Variants in NCKAP5L observed in about 807,000 individuals in gnomAD.
NCKAP5L encodes the protein nck-associated protein 5-like.
Under a neutral mutation model 103.2 loss-of-function variants are expected in NCKAP5L, and 54 were observed. That is an observed-to-expected ratio of 0.52 (90% confidence interval 0.42 to 0.66). The LOEUF is 0.66. Ranked by LOEUF, NCKAP5L falls within the 30% of genes least tolerant of loss-of-function variation. The probability of loss-of-function intolerance (pLI) is 0.00; values close to 1 mark genes in which losing one functional copy is unlikely to be tolerated. For synonymous variants in NCKAP5L, 762 were observed against 748.6 expected (o/e 1.02, Z -0.29); for missense variants, 1,733 against 1,750.6 (o/e 0.99, Z 0.18).
intron 1 of NCKAP5L, among the ~76,000 whole-genome samples, chr12:49,816,235 G>A (rs903404654): frequency 6.6e-6 from 1 of 152,112 alleles, no homozygotes; most frequent in Admixed American, 6.5e-5. Context: ...CCCTCTGCCA[G>A]TGTACCACTC....
In NCKAP5L at chr12:49,792,686, C is replaced by T. The variant is rs1389938767; in HGVS notation, c.3641G>A (p.Cys1214Tyr). ...CCCACCTGGACACTCACCATCAGGA[C>T]AGGTCTCATGGCCCCGGTGGCCCGG... ...AAPGHRGHET[C>Y]PDDPCEDPGP... The change falls in exon 11 of 13, where the codon TGT (cysteine) becomes TAT (tyrosine). Residue 1214 changes from cysteine to tyrosine, a missense_variant. Physicochemically the swap from Cys to Tyr is radical, Grantham distance 194 (BLOSUM62 -2). Coordinates refer to ENST00000335999, the MANE Select transcript of NCKAP5L (RefSeq NM_001037806.4). This position sits in a 1 kb window ranked among gnomAD's most constrained non-coding sequence, Gnocchi z 4.5. 1 of 1,612,724 alleles carries T rather than the reference C, an allele frequency of 6.2e-7. No individual in the cohort carries two copies. Among genetic ancestry groups the T allele is most frequent in the Admixed American group, 1.7e-5 (1 of 59,862 alleles).
At position 49,801,966 on chromosome 12, in the gene NCKAP5L, T is replaced by G; in HGVS notation, c.233A>C (p.Asp78Ala). ...CAGCTTGATGCACTCCTCTCGCAGGTCCTGCCGCCCACCCCGGGAAGTGCA... is the reference window on the plus strand; with the variant it reads ...CAGCTTGATGCACTCCTCTCGCAGGGCCTGCCGCCCACCCCGGGAAGTGCA... ...HVVQALLNQK[D>A]LREECIKLKK... Residue 78 changes from aspartate to alanine, a missense_variant and splice_region_variant, in exon 6 of 13, where the codon GAC (aspartate) becomes GCC (alanine). Asp to Ala is a moderately radical substitution (Grantham distance 126). Coordinates refer to ENST00000335999, the MANE Select transcript of NCKAP5L (RefSeq NM_001037806.4). 6.2e-7 allele frequency: 1 copy of G among 1,613,732 alleles called. No homozygotes were observed. The highest frequency in any genetic ancestry group is 8.5e-7 in the Non-Finnish European group (1 of 1,179,794).
chr12:49,798,998 T>C (rs1946090060), intron 6 of NCKAP5L, among the ~76,000 whole-genome samples: 1 of 152,188 alleles, frequency 6.6e-6, no homozygotes, highest in Non-Finnish European at 1.5e-5. Flanking sequence ...TCATTCTCAG[T>C]CCCTGAGAAT....
rs184744715 is a variant in NCKAP5L, at chr12:49,821,064, C to T, written c.-99+7258G>A. ...CGGGGTAAGGGTGGGGTAAGGAGCT[C>T]GGCAGGGCCTTCAGGGATAAGCTGC... On this transcript the variant is annotated intron_variant, in intron 1 of 12. Transcript: ENST00000335999. Among the ~76,000 whole-genome samples the T allele has an allele frequency of 9.9e-5, 15 of 152,268 alleles. No homozygotes were observed. In the East Asian group the frequency reaches 1.7e-3, roughly 18 times the overall value.
chr12:49,792,681 C>T lies in NCKAP5L; in HGVS notation c.3646G>A (p.Asp1216Asn), dbSNP rs779358827. 1 of 1,612,794 alleles carries T rather than the reference C, an allele frequency of 6.2e-7. No homozygotes were observed. The highest frequency in any genetic ancestry group is 1.1e-5 in the South Asian group (1 of 90,966). ...PGHRGHETCPDDPCEDPGPTP... is the reference protein window; with the variant it reads ...PGHRGHETCPNDPCEDPGPTP... Reference sequence around the variant, plus strand: ...ACCCTCCCACCTGGACACTCACCATCAGGACAGGTCTCATGGCCCCGGTGG... The same window carrying T: ...ACCCTCCCACCTGGACACTCACCATTAGGACAGGTCTCATGGCCCCGGTGG... Residue 1216 changes from aspartate to asparagine, a missense_variant, in exon 11 of 13, where the codon GAT (aspartate) becomes AAT (asparagine). Physicochemically the swap from Asp to Asn is conservative, Grantham distance 23. Transcript: ENST00000335999. The surrounding 1 kb of genome is among the most constrained non-coding windows in gnomAD (Gnocchi z 4.5).
Position 49,803,003 on chromosome 12 carries a change from A to T in NCKAP5L, c.193-7T>A. 1 of 1,614,194 alleles carries T rather than the reference A, an allele frequency of 6.2e-7. No individual in the cohort carries two copies. The highest frequency in any genetic ancestry group is 8.5e-7 in the Non-Finnish European group (1 of 1,180,034). ...GTACCACATGGTTGGCAACCTGGGGACAGAAAGCCCCGAGGCAGAGCCATC... is the reference window on the plus strand; with the variant it reads ...GTACCACATGGTTGGCAACCTGGGGTCAGAAAGCCCCGAGGCAGAGCCATC... On this transcript the variant is annotated splice_region_variant and splice_polypyrimidine_tract_variant and intron_variant, in intron 4 of 12. Transcript: ENST00000335999.
chr12:49,799,660 T>G (rs1946097781), intron 6 of NCKAP5L, among the ~76,000 whole-genome samples: 1 of 152,154 alleles, frequency 6.6e-6, no homozygotes, highest in Non-Finnish European at 1.5e-5. Context: ...AAGCCTCCTA[T>G]GCCTGCCCAT....
rs551688002 is a variant in NCKAP5L at position 49,824,285 on chromosome 12, G to A, written c.-99+4037C>T. 4.6e-5 allele frequency among the ~76,000 whole-genome samples: 7 copies of A among 152,346 alleles called. No individual in the cohort carries two copies. The East Asian group carries it at 1.3e-3, about 29-fold the overall frequency. On this transcript the variant is annotated intron_variant, in intron 1 of 12. Transcript: ENST00000335999. ...TGCCCAGGCACCACAGGGTAAGTGA[G>A]TGCTCAGCCCTCCGAACAGCCCCAC...
At chr12:49,816,835 C>T (rs529397681) in intron 1 of NCKAP5L, among the ~76,000 whole-genome samples, 2 of 151,732 alleles carry the variant, frequency 1.3e-5, no homozygotes, top group Non-Finnish European at 2.9e-5. Context: ...AATCTTAGAC[C>T]GCAGTGACTC....
intron 1 of NCKAP5L, among the ~76,000 whole-genome samples, chr12:49,812,805 T>C (rs538286541): frequency 6.6e-6 from 1 of 152,324 alleles, no homozygotes; most frequent in East Asian, 1.9e-4. Flanking sequence ...GCTATGATCA[T>C]TTATGTAGTT....
chr12:49,805,908 C>T (rs962617195), intron 2 of NCKAP5L, 72 bp downstream of exon 2: 9 of 152,266 alleles, frequency 5.9e-5, no homozygotes, highest in Non-Finnish European at 1.0e-4. Context: ...GTGCTTGCTT[C>T]CTTATCCTCC....
At position 49,806,049 on chromosome 12, in the gene NCKAP5L, GA is replaced by G. The variant is rs143137084; in HGVS notation, c.-98-9del. 39,604 of 148,014 alleles carry G rather than the reference GA, an allele frequency of 0.27. 5,775 individuals carry two copies. The highest frequency in any genetic ancestry group is 0.38 in the South Asian group (1,779 of 4,726). 9.2% of individuals were successfully genotyped at this position (148,014 alleles called of 1,614,324 possible). A position where few individuals can be genotyped will look rare whatever the true frequency, so the allele number is the denominator to read the frequency against. On this transcript the variant is annotated splice_polypyrimidine_tract_variant and intron_variant, in intron 1 of 12. Coordinates refer to ENST00000335999, the MANE Select transcript of NCKAP5L (RefSeq NM_001037806.4). Reference sequence around the variant, plus strand: ...CCAGAACGGTCACCTTGCCTGTGGAGAAAAAAAAAAAGACGTCAGCCACGCA... The same window carrying G: ...CCAGAACGGTCACCTTGCCTGTGGAGAAAAAAAAAAGACGTCAGCCACGCA...
chr12:49,791,875 G>C lies in NCKAP5L; in HGVS notation c.3969C>G (p.Leu1323=). 1 of 1,612,064 alleles carries C rather than the reference G, an allele frequency of 6.2e-7. No individual in the cohort carries two copies. The highest frequency in any genetic ancestry group is 8.5e-7 in the Non-Finnish European group (1 of 1,179,272). The change falls in exon 13 of 13, where the codon CTC becomes CTG. Residue 1323 remains leucine (L), a synonymous_variant. Transcript: ENST00000335999. The stretch of plus-strand genomic sequence containing the variant: ...TCCCACAAGAGGACAGCGAGTCGTA[G>C]AGTGAGTCACTGAGAGACTCCGAGG... ...LETSESLSDS[L]YDSLSSCGSQ...
intron 6 of NCKAP5L, among the ~76,000 whole-genome samples, chr12:49,799,748 C>T (rs1390904251): frequency 1.3e-5 from 2 of 152,238 alleles, no homozygotes; most frequent in Non-Finnish European, 2.9e-5. Context: ...CCACCGTCTC[C>T]ACCTTGCTGT....
chr12:49,819,125 G>A (rs1302871229), intron 1 of NCKAP5L, among the ~76,000 whole-genome samples: 4 of 151,642 alleles, frequency 2.6e-5, no homozygotes, highest in Non-Finnish European at 5.9e-5. Context: ...GAGGTCAGGA[G>A]ATCGAGACCA....
intron 1 of NCKAP5L, among the ~76,000 whole-genome samples, chr12:49,816,421 G>A (rs2137033621): frequency 7.1e-6 from 1 of 140,518 alleles, no homozygotes; most frequent in East Asian, 2.1e-4. Flanking sequence ...GGGCCCATAG[G>A]ACAAACCATA....
Position 49,795,519 on chromosome 12 carries a change from G to A in NCKAP5L, c.2341C>T (p.Arg781Trp), listed in dbSNP as rs771581280. The change falls in exon 8 of 13, where the codon CGG (arginine) becomes TGG (tryptophan). Residue 781 changes from arginine to tryptophan, a missense_variant. By Grantham distance (101) the Arg-to-Trp change is moderately radical. Transcript: ENST00000335999. Reference protein sequence around the residue: ...CLTKVELAKSRLAGALCPQVP... With the variant: ...CLTKVELAKSWLAGALCPQVP... The stretch of plus-strand genomic sequence containing the variant: ...TGGGGGCACAGGGCCCCTGCCAGCC[G>A]GCTCTTGGCCAGCTCCACTTTGGTG... 4 of 1,531,478 alleles carry A rather than the reference G, an allele frequency of 2.6e-6. No homozygotes were observed. The highest frequency in any genetic ancestry group is 2.6e-6 in the Non-Finnish European group (3 of 1,143,770). The allele number at this position is 1,531,478 out of a possible 1,614,324, so 94.9% of individuals were successfully genotyped here.
Position 49,804,022 on chromosome 12 carries a change from G to A in NCKAP5L, c.23C>T (p.Pro8Leu), listed in dbSNP as rs370432785. 8 of 1,611,572 alleles carry A rather than the reference G, an allele frequency of 5.0e-6. No individual in the cohort carries two copies. Among genetic ancestry groups the A allele is most frequent in the African/African-American group, 4.0e-5 (3 of 74,940 alleles). Reference sequence around the variant, plus strand: ...CCTTGGGTTTCCAGGACCCCCAGCTGGCTGGTCCATGGCCTCTGACATCTG... The same window carrying A: ...CCTTGGGTTTCCAGGACCCCCAGCTAGCTGGTCCATGGCCTCTGACATCTG... MSEAMDQ[P>L]AGGPGNPRPG... is the part of the protein sequence containing the mutation. The change falls in exon 3 of 13, where the codon CCA becomes CTA. Residue 8 changes from proline (P) to leucine (L), a missense_variant. Transcript: ENST00000335999.
intron 1 of NCKAP5L, among the ~76,000 whole-genome samples, chr12:49,828,016 G>A (rs944416338): frequency 6.6e-6 from 1 of 151,682 alleles, no homozygotes; most frequent in Non-Finnish European, 1.5e-5. Flanking sequence ...CCCGGCCCCC[G>A]GAACATCCCC....
Sources: allele counts gnomAD v4.1 joint callset (sites outside exome capture counted in the v4.1 genomes callset), GRCh38; gene constraint gnomAD v4.1.1; non-coding constraint Gnocchi (gnomAD v3.1); transcripts MANE v1.5; gene names NCBI Gene and HGNC (gene_info 2026-07-23, HGNC 2026-07-21).